COL26A1: variants seen among roughly 807,000 people sequenced by gnomAD.
The protein encoded by COL26A1 is collagen alpha-1(XXVI) chain.
COL26A1 carries 41 observed loss-of-function variants against 59.3 expected under a neutral mutation model. The ratio of observed to expected loss-of-function variants is 0.69; its 90% CI spans 0.54 to 0.90. The LOEUF is 0.90. COL26A1 is among the 40% of genes least tolerant of loss of function. The pLI is 0.00. For missense variants in COL26A1, 612 were observed against 602.3 expected (o/e 1.02, Z -0.17); for synonymous variants, 266 against 256.0 (o/e 1.04, Z -0.37).
intron 3 of COL26A1, among the ~76,000 whole-genome samples, chr7:101,518,428 A>G (rs1348916123): frequency 6.6e-6 from 1 of 152,048 alleles, no homozygotes; most frequent in Non-Finnish European, 1.5e-5. Flanking sequence ...TTGGGCTTGG[A>G]GCACCATTAA....
chr7:101,442,332 T>TC (rs1793079169), intron 2 of COL26A1, among the ~76,000 whole-genome samples: 1 of 148,504 alleles, frequency 6.7e-6, no homozygotes, highest in Admixed American at 6.7e-5. Context: ...GGTCTTTCTT[T>TC]TTTTTTTTTT....
chr7:101,520,633 T>TATACACACACACACACACAC (rs1452059213), intron 3 of COL26A1, among the ~76,000 whole-genome samples: 106 of 137,294 alleles, frequency 7.7e-4, no homozygotes, highest in African/African-American at 3.0e-3. Context: ...CACAGACACA[T>TATACACACACACACACACAC]ACACACACAC....
At chr7:101,419,844 G>T in intron 1 of COL26A1, 133 bp from the exon 2 acceptor site, 1 of 844,936 alleles carries the variant, frequency 1.2e-6, no homozygotes, top group Non-Finnish European at 1.9e-6. Context: ...GGTCTCAGTG[G>T]GCCCCCCATC....
chr7:101,408,852 G>T (rs1792184621), intron 1 of COL26A1, among the ~76,000 whole-genome samples: 1 of 152,148 alleles, frequency 6.6e-6, no homozygotes, highest in Non-Finnish European at 1.5e-5. Context: ...GCTGGCTCCT[G>T]GTCTTCCACA....
intron 3 of COL26A1, among the ~76,000 whole-genome samples, chr7:101,481,698 G>C (rs1347476636): frequency 6.6e-6 from 1 of 151,526 alleles, no homozygotes; most frequent in Non-Finnish European, 1.5e-5. Flanking sequence ...CAATCCTCCT[G>C]CCTCAGTCTC....
intron 1 of COL26A1, among the ~76,000 whole-genome samples, chr7:101,405,832 A>G (rs893472018): frequency 1.2e-4 from 19 of 152,168 alleles, no homozygotes; most frequent in African/African-American, 4.6e-4. Flanking sequence ...AACTCAATCC[A>G]TCAGTGGCCC....
chr7:101,457,489 G>C (rs1793499029), intron 3 of COL26A1, among the ~76,000 whole-genome samples: 1 of 152,200 alleles, frequency 6.6e-6, no homozygotes, highest in Admixed American at 6.5e-5. Flanking sequence ...GTTTTAGGGA[G>C]AGAGTGTTAT....
chr7:101,456,948 C>G (rs200862612), intron 3 of COL26A1, among the ~76,000 whole-genome samples: 1 of 152,182 alleles, frequency 6.6e-6, no homozygotes, highest in Non-Finnish European at 1.5e-5. Context: ...AAAACCAGTT[C>G]GCTGAGACCG....
intron 6 of COL26A1, among the ~76,000 whole-genome samples, chr7:101,544,602 A>G (rs1795691169): frequency 2.1e-5 from 3 of 142,574 alleles, no homozygotes; most frequent in South Asian, 4.5e-4. Context: ...GCACAATCTC[A>G]GCTCACTGAC....
intron 1 of COL26A1, among the ~76,000 whole-genome samples, chr7:101,401,070 C>T (rs769640237): frequency 5.9e-5 from 9 of 152,152 alleles, no homozygotes; most frequent in African/African-American, 1.7e-4. Context: ...AAGTTGTCAC[C>T]GAGTCCCTGG....
At chr7:101,537,952 C>T (rs1196663594) in intron 4 of COL26A1, among the ~76,000 whole-genome samples, 1 of 152,064 alleles carries the variant, frequency 6.6e-6, no homozygotes, top group Non-Finnish European at 1.5e-5. Flanking sequence ...ATCACCTTCA[C>T]TCCCAAGCCT....
chr7:101,547,297 A>G, intron 8 of COL26A1, 58 bp downstream of exon 8: 3 of 1,270,178 alleles, frequency 2.4e-6, no homozygotes, highest in Admixed American at 2.2e-5. Context: ...GGCTGGCCTG[A>G]GCCATGGGGC....
chr7:101,386,617 C>T (rs547576843), intron 1 of COL26A1, among the ~76,000 whole-genome samples: 3 of 152,204 alleles, frequency 2.0e-5, no homozygotes, highest in African/African-American at 4.8e-5. Context: ...GCACTGAGCA[C>T]AGGATGTGAA....
chr7:101,468,478 C>T (rs1793817301), intron 3 of COL26A1, among the ~76,000 whole-genome samples: 1 of 152,074 alleles, frequency 6.6e-6, no homozygotes, highest in African/African-American at 2.4e-5. Context: ...TAGGAGTAGC[C>T]CTGCTGGGGA....
At chr7:101,412,632 G>A (rs915192608) in intron 1 of COL26A1, among the ~76,000 whole-genome samples, 3 of 138,996 alleles carry the variant, frequency 2.2e-5, no homozygotes, top group Admixed American at 7.5e-5. Flanking sequence ...GCCACAGAGC[G>A]AGACTCCGTC....
chr7:101,483,738 G>A (rs905314492), intron 3 of COL26A1, among the ~76,000 whole-genome samples: 6 of 150,524 alleles, frequency 4.0e-5, no homozygotes, highest in African/African-American at 1.5e-4. Context: ...GCAATGGCGC[G>A]ATCTCAGCTC....
rs75101482 is a variant in COL26A1 at position 101,421,693 on chromosome 7, G to A, written c.281+1594G>A. On this transcript the variant is annotated intron_variant, in intron 2 of 12. Coordinates refer to ENST00000313669, the MANE Select transcript of COL26A1 (RefSeq NM_001278563.3). ...ATTGCTACGTCTCATGACTGGTGAT[G>A]TTAACTTTGATCGCTTGCTTATGAT... Among the ~76,000 whole-genome samples the A allele has an allele frequency of 4.8e-3, 735 of 151,806 alleles. 39 individuals are homozygous for A. The East Asian group carries it at 0.1, about 22-fold the overall frequency.
At chr7:101,396,741 G>A (rs1791863979) in intron 1 of COL26A1, among the ~76,000 whole-genome samples, 1 of 152,148 alleles carries the variant, frequency 6.6e-6, no homozygotes, top group Admixed American at 6.6e-5. Flanking sequence ...GGGGTTACAG[G>A]TGTGAGCTAC....
intron 3 of COL26A1, among the ~76,000 whole-genome samples, chr7:101,468,443 C>T (rs537677150): frequency 6.6e-5 from 10 of 152,322 alleles, no homozygotes; most frequent in African/African-American, 2.2e-4. Context: ...CCTGCCCATC[C>T]GTTTCTCTTC....
Sources: gnomAD v4.1 joint callset for allele counts (sites outside exome capture counted in the v4.1 genomes callset) on GRCh38, gnomAD v4.1.1 for gene constraint, MANE v1.5 for transcripts, NCBI Gene and HGNC (gene_info 2026-07-23, HGNC 2026-07-21) for gene names.